The following AGO3 variants were observed in gnomAD, a reference collection of about 807,000 sequenced individuals.
The protein encoded by AGO3 is protein argonaute-3.
Under a neutral mutation model 105.5 loss-of-function variants are expected in AGO3, and 16 were observed. That is an observed-to-expected ratio of 0.15 (90% CI 0.10 to 0.23). The LOEUF is 0.23. Among genes scored for constraint, AGO3 ranks in the 10% least tolerant of loss-of-function variants. The pLI is 1.00. For synonymous variants in AGO3, 340 were observed against 367.3 expected (o/e 0.93, Z 0.85); for missense variants, 534 against 1,088.0 (o/e 0.49, Z 7.16).
intron 11 of AGO3, among the ~76,000 whole-genome samples, chr1:36,020,278 A>G (rs1474184301): frequency 6.6e-6 from 1 of 152,228 alleles, no homozygotes; most frequent in Non-Finnish European, 1.5e-5. Context: ...GGGTTATCAT[A>G]GGTAGTTTGA....
intron 13 of AGO3, among the ~76,000 whole-genome samples, chr1:36,035,307 G>A (rs1407498951): frequency 1.3e-5 from 2 of 152,120 alleles, no homozygotes; most frequent in Non-Finnish European, 2.9e-5. Flanking sequence ...GGCTGAGGTG[G>A]GAGGATTACC....
chr1:35,978,253 G>C (rs955818149), intron 5 of AGO3, among the ~76,000 whole-genome samples: 53 of 152,042 alleles, frequency 3.5e-4, no homozygotes, highest in Admixed American at 1.1e-3. Flanking sequence ...GTAGTGGCTC[G>C]ATCTCGACTC....
intron 3 of AGO3, among the ~76,000 whole-genome samples, chr1:35,969,079 A>G (rs987873131): frequency 2.6e-5 from 4 of 151,984 alleles, no homozygotes; most frequent in Non-Finnish European, 5.9e-5. Context: ...TTGTTTGCCC[A>G]TTTTTTGAAC....
At chr1:36,009,386 T>A (rs1490868006) in intron 8 of AGO3, 89 bp from the exon 9 acceptor site, 4 of 1,423,612 alleles carry the variant, frequency 2.8e-6, no homozygotes, top group Admixed American at 2.4e-5. Flanking sequence ...AAGTTGATTT[T>A]AAATTTTTAT....
rs1643137259 is a variant in AGO3 at position 36,069,744 on chromosome 1, T to C, written c.*13999T>C. Reference sequence around the variant, plus strand: ...CAGCTGCAGTTTTGAGTTAGATTAATGTGGTGAAAACCATCAAATACTTAG... The same window carrying C: ...CAGCTGCAGTTTTGAGTTAGATTAACGTGGTGAAAACCATCAAATACTTAG... On this transcript the variant is annotated 3_prime_UTR_variant, in exon 19 of 19. Transcript: ENST00000373191. 6.6e-6 allele frequency: 1 copy of C among 152,208 alleles called. No homozygotes were observed. The highest frequency in any genetic ancestry group is 1.5e-5 in the Non-Finnish European group (1 of 68,030). The allele number at this position is 152,208 out of a possible 1,614,324, so 9.4% of individuals were successfully genotyped here. A position where few individuals can be genotyped will look rare whatever the true frequency, so the allele number is the denominator to read the frequency against.
intron 9 of AGO3, among the ~76,000 whole-genome samples, chr1:36,010,223 G>T (rs1448423026): frequency 1.3e-5 from 2 of 151,954 alleles, no homozygotes; most frequent in African/African-American, 4.8e-5. Context: ...ACAGGCGTGA[G>T]CCACCGCACC....
chr1:36,028,404 C>A (rs1286428991), intron 12 of AGO3, among the ~76,000 whole-genome samples: 4 of 113,374 alleles, frequency 3.5e-5, no homozygotes, highest in Admixed American at 1.0e-4. Context: ...CCCCCCCCCA[C>A]CCCACAACAG....
rs1036642510 is a variant in AGO3, at chr1:36,007,838, G to A, written c.794-852G>A. ...CACCTCAAGAAAATTCTCTTTGACA[G>A]CACTGCTTCAGAAAATTCATCTCGA... is the stretch of plus-strand genomic sequence containing the variant. On this transcript the variant is annotated intron_variant, in intron 6 of 18. Coordinates refer to ENST00000373191, the MANE Select transcript of AGO3 (RefSeq NM_024852.4). 5.3e-5 allele frequency among the ~76,000 whole-genome samples: 8 copies of A among 152,228 alleles called. 1 individual carries two copies. The highest frequency in any genetic ancestry group is 3.9e-4 in the Admixed American group (6 of 15,292).
At chr1:36,009,075 T>C in intron 8 of AGO3, 31 bp downstream of exon 8, 1 of 1,464,642 alleles carries the variant, frequency 6.8e-7, no homozygotes, top group Non-Finnish European at 8.8e-7. Context: ...ATTAATACCC[T>C]GTTGTTCATG....
At chr1:36,024,225 A>G (rs1281060943) in intron 11 of AGO3, among the ~76,000 whole-genome samples, 1 of 149,988 alleles carries the variant, frequency 6.7e-6, no homozygotes, top group Non-Finnish European at 1.5e-5. Flanking sequence ...CGCAGCCTTA[A>G]CTTCCCAGGC....
At chr1:35,937,408 C>T (rs977894417) in intron 1 of AGO3, among the ~76,000 whole-genome samples, 1 of 151,166 alleles carries the variant, frequency 6.6e-6, no homozygotes, top group Non-Finnish European at 1.5e-5. Flanking sequence ...AAAATTGTTT[C>T]CCAGCCGGAT....
At chr1:36,030,005 A>C (rs1641696015) in intron 12 of AGO3, among the ~76,000 whole-genome samples, 1 of 116,318 alleles carries the variant, frequency 8.6e-6, no homozygotes, top group Admixed American at 1.2e-4. Context: ...TAAATTTCCT[A>C]CATGTCACGG....
intron 5 of AGO3, among the ~76,000 whole-genome samples, chr1:36,002,660 C>T (rs1262772923): frequency 6.7e-6 from 1 of 149,966 alleles, no homozygotes; most frequent in Non-Finnish European, 1.5e-5. Flanking sequence ...ATAAAATACC[C>T]ACAGTAGCCT....
chr1:35,939,383 A>G (rs1217171016), intron 1 of AGO3, among the ~76,000 whole-genome samples: 1 of 152,154 alleles, frequency 6.6e-6, no homozygotes, highest in Non-Finnish European at 1.5e-5. Flanking sequence ...AAAAAAATTG[A>G]CAGTATGATA....
At chr1:36,030,824 C>T (rs1381771611) in intron 12 of AGO3, among the ~76,000 whole-genome samples, 1 of 152,096 alleles carries the variant, frequency 6.6e-6, no homozygotes, top group Non-Finnish European at 1.5e-5. Flanking sequence ...ATTTTTCATT[C>T]TCTTTTAACA....
intron 13 of AGO3, 113 bp from the exon 14 acceptor site, chr1:36,036,064 A>G (rs1186916563): frequency 4.2e-6 from 4 of 955,364 alleles, no homozygotes; most frequent in Non-Finnish European, 6.2e-6. Flanking sequence ...TTTGGATTAC[A>G]TAGGACTTCC....
At chr1:36,037,257 C>T (rs995109901) in intron 14 of AGO3, among the ~76,000 whole-genome samples, 3 of 152,152 alleles carry the variant, frequency 2.0e-5, no homozygotes, top group Admixed American at 6.5e-5. Context: ...CGGTGGCTCA[C>T]GCCTAGAATC....
In AGO3 at chr1:35,931,210, T is replaced by A. The variant is rs558116222; in HGVS notation, c.-217T>A. ...CTCCCCTCTGTCCGCGCCTCACATC[T>A]CCCCTTCCTCTCGCCTAGTCCTGTG... On this transcript the variant is annotated 5_prime_UTR_variant, in exon 1 of 19. Transcript: ENST00000373191. 4.3e-4 allele frequency: 176 copies of A among 407,076 alleles called. 1 individual carries two copies. Among genetic ancestry groups the A allele is most frequent in the Middle Eastern group, 6.3e-4 (1 of 1,600 alleles). 25.2% of individuals were successfully genotyped at this position (407,076 alleles called of 1,614,324 possible). A position where few individuals can be genotyped will look rare whatever the true frequency, so the allele number is the denominator to read the frequency against.
At chr1:35,968,770 C>G (rs1646815540) in intron 3 of AGO3, among the ~76,000 whole-genome samples, 1 of 152,144 alleles carries the variant, frequency 6.6e-6, no homozygotes, top group African/African-American at 2.4e-5. Flanking sequence ...TTTGCCAGGT[C>G]ATGTGATAAT....
Sources: gnomAD v4.1 joint callset for allele counts (sites outside exome capture counted in the v4.1 genomes callset) on GRCh38, gnomAD v4.1.1 for gene constraint, MANE v1.5 for transcripts, NCBI Gene and HGNC (gene_info 2026-07-23, HGNC 2026-07-21) for gene names.